CNTLN: variants seen among roughly 807,000 people sequenced by gnomAD.
CNTLN encodes the protein centlein.
In CNTLN, 212 loss-of-function variants were observed where a neutral mutation model predicts 180.0. The observed-to-expected ratio is 1.18, with a 90% confidence interval of 1.05 to 1.32. The LOEUF is 1.32. CNTLN is among the 40% of genes most tolerant of loss of function. The probability of loss-of-function intolerance (pLI) is 0.00; values close to 1 mark genes in which losing one functional copy is unlikely to be tolerated. For missense variants in CNTLN, 2,095 were observed against 1,610.9 expected (o/e 1.30, Z -5.14); for synonymous variants, 722 against 563.1 (o/e 1.28, Z -3.99).
rs1825886236 is a variant in CNTLN, at chr9:17,388,870, C to T, written c.2079+617C>T. ...TAATATTTACCTTTATAATTTTATA[C>T]TTAATTTGCATTTTTATAAATAAAT... On this transcript the variant is annotated intron_variant, in intron 14 of 25. Coordinates refer to ENST00000380647, the MANE Select transcript of CNTLN (RefSeq NM_017738.4). 2.0e-5 allele frequency among the ~76,000 whole-genome samples: 3 copies of T among 151,632 alleles called. No individual in the cohort carries two copies. The South Asian group carries it at 6.2e-4, about 32-fold the overall frequency.
chr9:17,527,692 G>T, the CNTLN span, among the ~76,000 whole-genome samples: 1 of 152,116 alleles, frequency 6.6e-6, no homozygotes. Context: ...GTAGCAACAA[G>T]CACACCTAGC....
In CNTLN at chr9:17,135,091, C is replaced by A; in HGVS notation, c.26C>A (p.Pro9Gln). MAARSPPSPHPSPPARQLG... is the reference protein window; with the variant it reads MAARSPPSQHPSPPARQLG... ...ATGGCGGCGCGTTCGCCTCCCTCAC[C>A]GCACCCTTCGCCCCCAGCGCGACAG... The change falls in exon 1 of 26, where the codon CCG becomes CAG. Residue 9 changes from proline (P) to glutamine (Q), a missense_variant. Transcript: ENST00000380647. 1 of 1,603,430 alleles carries A rather than the reference C, an allele frequency of 6.2e-7. No homozygotes were observed. The highest frequency in any genetic ancestry group is 8.5e-7 in the Non-Finnish European group (1 of 1,177,482).
chr9:17,384,985 G>A (rs1825576669), intron 13 of CNTLN, among the ~76,000 whole-genome samples: 1 of 152,158 alleles, frequency 6.6e-6, no homozygotes, highest in South Asian at 2.1e-4. Context: ...CAAGTCCCAG[G>A]TTTCCACCTG....
At chr9:17,307,742 A>G (rs191676759) in intron 7 of CNTLN, among the ~76,000 whole-genome samples, 34 of 152,196 alleles carry the variant, frequency 2.2e-4, no homozygotes, top group Admixed American at 1.8e-3. Context: ...ACGGAGGTAA[A>G]CATGCATACA....
In CNTLN at chr9:17,446,142, C is replaced by T. The variant is rs1830401454; in HGVS notation, c.3115-11382C>T. ...CACATCCCCCTCTTCGAGAAACACCCACGAATGATGAATAAATACTAAGGG... is the reference window on the plus strand; with the variant it reads ...CACATCCCCCTCTTCGAGAAACACCTACGAATGATGAATAAATACTAAGGG... On this transcript the variant is annotated intron_variant, in intron 18 of 25. Coordinates refer to ENST00000380647, the MANE Select transcript of CNTLN (RefSeq NM_017738.4). 2.0e-5 allele frequency among the ~76,000 whole-genome samples: 3 copies of T among 152,278 alleles called. No individual in the cohort carries two copies. In the South Asian group the frequency reaches 6.2e-4, roughly 32 times the overall value.
rs752520122 is a variant in CNTLN at position 17,135,256 on chromosome 9, G to A, written c.191G>A (p.Gly64Glu). 2 of 1,605,386 alleles carry A rather than the reference G, an allele frequency of 1.2e-6. No homozygotes were observed. Among genetic ancestry groups the A allele is most frequent in the Non-Finnish European group, 1.7e-6 (2 of 1,176,418 alleles). Residue 64 changes from glycine (G) to glutamate (E), a missense_variant, in exon 1 of 26, where the codon GGG becomes GAG. Transcript: ENST00000380647. ...ATCTGGGTGGGTGAAGAAGGGTCAG[G>A]GGGCCGGCGAGGGCCTGGGGGGGCA... ...DKIWVGEEGS[G>E]GRRGPGGAAP... is the part of the protein sequence containing the mutation.
At chr9:17,504,098 AT>A (rs1833884017), downstream of CNTLN, among the ~76,000 whole-genome samples, 1 of 22,084 alleles carries the variant, frequency 4.5e-5, no homozygotes, top group Non-Finnish European at 4.1e-4. Context: ...CCTTACTGCA[AT>A]TAAAAAAAAA....
At chr9:17,323,508 G>T (rs962935889) in intron 8 of CNTLN, among the ~76,000 whole-genome samples, 2 of 152,152 alleles carry the variant, frequency 1.3e-5, no homozygotes, top group Non-Finnish European at 2.9e-5. Context: ...TCTTACTATG[G>T]CTATGTGTGC....
intron 25 of CNTLN, chr9:17,495,063 A>G (rs2134384819): frequency 2.7e-6 from 1 of 373,866 alleles, no homozygotes; most frequent in Non-Finnish European, 5.3e-6. Flanking sequence ...TATCTTTTGC[A>G]GAGATTGGGT....
intron 8 of CNTLN, among the ~76,000 whole-genome samples, chr9:17,328,679 A>C (rs916307771): frequency 1.3e-5 from 2 of 152,172 alleles, no homozygotes; most frequent in Non-Finnish European, 2.9e-5. Flanking sequence ...GGGGAGGAAC[A>C]TATCTACTTG....
intron 12 of CNTLN, among the ~76,000 whole-genome samples, chr9:17,364,763 G>A (rs1473717297): frequency 1.3e-5 from 2 of 152,040 alleles, no homozygotes; most frequent in African/African-American, 4.8e-5. Flanking sequence ...CTCCCTTTAG[G>A]GATGATTGTG....
At chr9:17,510,255 G>T in the CNTLN span, among the ~76,000 whole-genome samples, 1 of 152,130 alleles carries the variant, frequency 6.6e-6, no homozygotes, top group Non-Finnish European at 1.5e-5. Context: ...GAAGAAAGTT[G>T]TTAGAAATAC....
intron 5 of CNTLN, among the ~76,000 whole-genome samples, chr9:17,237,362 CA>C (rs1296198698): frequency 9.9e-6 from 1 of 100,544 alleles, no homozygotes; most frequent in South Asian, 3.7e-4. Flanking sequence ...CCTACACACA[CA>C]CACACACACA....
chr9:17,355,414 T>G (rs2133334639), intron 12 of CNTLN, among the ~76,000 whole-genome samples: 1 of 152,328 alleles, frequency 6.6e-6, no homozygotes, highest in South Asian at 2.1e-4. Context: ...TAGTATCCTT[T>G]GATGCATGAA....
chr9:17,312,347 ATATATATATATATATAT>A (rs1181265795), intron 8 of CNTLN, among the ~76,000 whole-genome samples: 6 of 14,570 alleles, frequency 4.1e-4, no homozygotes, highest in Admixed American at 1.9e-3. Context: ...CTGTATTTAT[ATATATATATATATATAT>A]TATATATATA....
chr9:17,282,378 A>G lies in CNTLN; in HGVS notation c.983+8512A>G, dbSNP rs112222198. ...TTTTTGATATGTTTGTTGGCATCATAAATGTCTTCTTTTGAGAAGTGTCTG... is the reference window on the plus strand; with the variant it reads ...TTTTTGATATGTTTGTTGGCATCATGAATGTCTTCTTTTGAGAAGTGTCTG... On this transcript the variant is annotated intron_variant, in intron 6 of 25. Coordinates refer to ENST00000380647, the MANE Select transcript of CNTLN (RefSeq NM_017738.4). 7.2e-5 allele frequency among the ~76,000 whole-genome samples: 11 copies of G among 152,292 alleles called. 1 individual carries two copies. Among genetic ancestry groups the G allele is most frequent in the African/African-American group, 2.6e-4 (11 of 41,584 alleles).
intron 12 of CNTLN, among the ~76,000 whole-genome samples, chr9:17,361,817 A>G (rs1214566580): frequency 1.3e-5 from 2 of 152,204 alleles, no homozygotes; most frequent in African/African-American, 4.8e-5. Context: ...TGTGCTGCCT[A>G]TTGTCCAGTG....
chr9:17,336,600 T>C (rs117874986), intron 10 of CNTLN, among the ~76,000 whole-genome samples: 1,686 of 152,332 alleles, frequency 0.011, 18 homozygotes, highest in Middle Eastern at 0.02. Flanking sequence ...ATTTTATTTT[T>C]AATAGTTTAG....
chr9:17,430,287 A>G (rs1373967582), intron 18 of CNTLN, among the ~76,000 whole-genome samples: 2 of 151,964 alleles, frequency 1.3e-5, no homozygotes, highest in African/African-American at 4.8e-5. Flanking sequence ...CCTATAATAA[A>G]CTACTCTTTT....
Sources: gnomAD v4.1 joint callset for allele counts (sites outside exome capture counted in the v4.1 genomes callset) on GRCh38, gnomAD v4.1.1 for gene constraint, MANE v1.5 for transcripts, NCBI Gene and HGNC (gene_info 2026-07-23, HGNC 2026-07-21) for gene names.